The following LOC128125817 variants were observed in gnomAD, a reference collection of about 807,000 sequenced individuals.
At chr1:41,619,211 A>G in the LOC128125817 span, among the ~76,000 whole-genome samples, 2 of 150,284 alleles carry the variant, frequency 1.3e-5, no homozygotes, top group Non-Finnish European at 3.0e-5. Flanking sequence ...CGCCTGGAAT[A>G]CTCTTTTCTG....
the LOC128125817 span, among the ~76,000 whole-genome samples, chr1:41,595,022 G>C: frequency 6.6e-6 from 1 of 152,188 alleles, no homozygotes; most frequent in Non-Finnish European, 1.5e-5. Flanking sequence ...TGTGGTGTCT[G>C]ATAAAAGCAC....
At chr1:41,589,725 G>T in the LOC128125817 span, among the ~76,000 whole-genome samples, 1 of 152,190 alleles carries the variant, frequency 6.6e-6, no homozygotes, top group Non-Finnish European at 1.5e-5. Context: ...GGCAAGATAG[G>T]GGCAGGGGCC....
chr1:41,586,121 T>G, the LOC128125817 span, among the ~76,000 whole-genome samples: 19 of 152,344 alleles, frequency 1.2e-4, no homozygotes, highest in East Asian at 3.3e-3. Flanking sequence ...AGCCTTTCCT[T>G]GTCCAGTCAG....
the LOC128125817 span, among the ~76,000 whole-genome samples, chr1:41,624,389 G>A: frequency 6.6e-6 from 1 of 152,176 alleles, no homozygotes; most frequent in Admixed American, 6.5e-5. Flanking sequence ...ATTCAAACAT[G>A]CTCTATAGCA....
At chr1:41,627,059 ATCGGTCCCCGTGCTTCAGCCTGACC>A in the LOC128125817 span, among the ~76,000 whole-genome samples, 2 of 152,224 alleles carry the variant, frequency 1.3e-5, no homozygotes, top group African/African-American at 4.8e-5. Context: ...GGGCAGCAGC[ATCGGTCCCCGTGCTTCAGCCTGACC>A]TCAGGGACAC....
chr1:41,592,177 T>C, the LOC128125817 span, among the ~76,000 whole-genome samples: 1 of 152,170 alleles, frequency 6.6e-6, no homozygotes, highest in Admixed American at 6.5e-5. Context: ...TGTGGGTTTC[T>C]TCCAGCAAGG....
the LOC128125817 span, among the ~76,000 whole-genome samples, chr1:41,616,592 G>C: frequency 6.7e-6 from 1 of 149,674 alleles, no homozygotes; most frequent in African/African-American, 2.5e-5. Context: ...TTTCAAACAG[G>C]GTATAGGAAG....
At chr1:41,606,265 T>A in the LOC128125817 span, among the ~76,000 whole-genome samples, 132 of 152,128 alleles carry the variant, frequency 8.7e-4, no homozygotes, top group Admixed American at 2.2e-3. Context: ...TGCGATTTTC[T>A]GATCTATCAA....
the LOC128125817 span, among the ~76,000 whole-genome samples, chr1:41,608,499 G>C: frequency 6.6e-6 from 1 of 152,180 alleles, no homozygotes; most frequent in African/African-American, 2.4e-5. Context: ...GCGGGGAGGG[G>C]TCCAACTGTA....
the LOC128125817 span, among the ~76,000 whole-genome samples, chr1:41,621,715 A>G: frequency 6.6e-6 from 1 of 152,178 alleles, no homozygotes; most frequent in African/African-American, 2.4e-5. Context: ...ATGAGGTCTC[A>G]CTACCTTGCC....
chr1:41,591,858 ACT>A, the LOC128125817 span, among the ~76,000 whole-genome samples: 1 of 152,082 alleles, frequency 6.6e-6, no homozygotes, highest in Admixed American at 6.5e-5. Context: ...TCTGGGAGAC[ACT>A]GACTCCCAGA....
chr1:41,612,511 A>G, the LOC128125817 span, among the ~76,000 whole-genome samples: 1 of 152,196 alleles, frequency 6.6e-6, no homozygotes, highest in Non-Finnish European at 1.5e-5. Context: ...CCCTCTGGGA[A>G]GGGGCTTATC....
At chr1:41,619,283 C>T in the LOC128125817 span, among the ~76,000 whole-genome samples, 1 of 152,246 alleles carries the variant, frequency 6.6e-6, no homozygotes, top group Non-Finnish European at 1.5e-5. Context: ...TCCTGACTGC[C>T]TGATTTCAAA....
the LOC128125817 span, among the ~76,000 whole-genome samples, chr1:41,595,148 C>T: frequency 6.6e-6 from 1 of 152,326 alleles, no homozygotes; most frequent in East Asian, 1.9e-4. Flanking sequence ...TACTTTTCTA[C>T]TGGCATTTGG....
the LOC128125817 span, chr1:41,585,349 TAC>T: frequency 5.0e-6 from 2 of 398,628 alleles, no homozygotes; most frequent in Non-Finnish European, 8.8e-6. Flanking sequence ...CACACAGAAA[TAC>T]ACACACACAA....
the LOC128125817 span, among the ~76,000 whole-genome samples, chr1:41,625,869 A>T: frequency 1.4e-4 from 21 of 152,256 alleles, no homozygotes; most frequent in African/African-American, 4.3e-4. Context: ...CTTAAAAAAT[A>T]ATGTATTCAT....
chr1:41,607,346 T>C, the LOC128125817 span, among the ~76,000 whole-genome samples: 3 of 152,258 alleles, frequency 2.0e-5, no homozygotes, highest in African/African-American at 7.2e-5. Flanking sequence ...CTGGTCTTCA[T>C]GCATATCCAT....
At chr1:41,622,882 G>C in the LOC128125817 span, among the ~76,000 whole-genome samples, 6 of 152,220 alleles carry the variant, frequency 3.9e-5, no homozygotes, top group African/African-American at 9.6e-5. Flanking sequence ...ATTAAGAGTT[G>C]CTATGTGCCC....
At chr1:41,607,256 A>G in the LOC128125817 span, among the ~76,000 whole-genome samples, 9 of 152,168 alleles carry the variant, frequency 5.9e-5, no homozygotes, top group African/African-American at 1.7e-4. Flanking sequence ...TCTATCCTCC[A>G]TGGGTCTTAA....
Sources: gnomAD v4.1 joint callset for allele counts (sites outside exome capture counted in the v4.1 genomes callset) on GRCh38, gnomAD v4.1.1 for gene constraint, MANE v1.5 for transcripts.